Variants in CCDC102B observed in about 807,000 individuals in gnomAD.
CCDC102B encodes coiled-coil domain containing 102B.
A neutral mutation model predicts 57.4 loss-of-function variants in CCDC102B; 75 were observed. The observed-to-expected ratio is 1.31, with a 90% CI of 1.08 to 1.58. The LOEUF is 1.58. Ranked by LOEUF, CCDC102B falls within the 40% of genes most tolerant of loss-of-function variation. The pLI is 0.00. For synonymous variants in CCDC102B, 206 were observed against 201.9 expected (o/e 1.02, Z -0.17); for missense variants, 636 against 582.6 (o/e 1.09, Z -0.94).
At chr18:68,790,469 A>G (rs553234785) in intron 2 of CCDC102B, among the ~76,000 whole-genome samples, 90 of 152,014 alleles carry the variant, frequency 5.9e-4, no homozygotes, top group Middle Eastern at 3.4e-3. Flanking sequence ...CTGCTGTGCT[A>G]GCAATCAGCG....
chr18:68,883,966 A>C (rs1400940659), intron 5 of CCDC102B, among the ~76,000 whole-genome samples: 1 of 152,220 alleles, frequency 6.6e-6, no homozygotes, highest in Non-Finnish European at 1.5e-5. Flanking sequence ...AAGTTTTAAC[A>C]TCCGGTAGAA....
intron 4 of CCDC102B, among the ~76,000 whole-genome samples, chr18:68,865,700 T>G (rs2038948647): frequency 6.6e-6 from 1 of 152,108 alleles, no homozygotes; most frequent in Non-Finnish European, 1.5e-5. Context: ...CACGTGGGAG[T>G]ACTTAACAGA....
chr18:68,815,705 CACTG>C (rs749692782), intron 1 of CCDC102B, among the ~76,000 whole-genome samples: 276 of 145,222 alleles, frequency 1.9e-3, no homozygotes, highest in Non-Finnish European at 3.1e-3. Flanking sequence ...CACACACACA[CACTG>C]AACTCTGGTT....
At chr18:68,960,059 AG>A (rs2050007287) in intron 6 of CCDC102B, among the ~76,000 whole-genome samples, 1 of 152,168 alleles carries the variant, frequency 6.6e-6, no homozygotes, top group Non-Finnish European at 1.5e-5. Context: ...CTAAAGCATA[AG>A]GGGATTCTCC....
intron 5 of CCDC102B, among the ~76,000 whole-genome samples, chr18:68,892,500 G>A (rs979401188): frequency 8.5e-5 from 13 of 152,070 alleles, no homozygotes; most frequent in African/African-American, 2.7e-4. Flanking sequence ...TTACATATCC[G>A]TCAAGTTTCT....
At chr18:68,741,985 C>A (rs2033413528) in intron 2 of CCDC102B, among the ~76,000 whole-genome samples, 1 of 152,116 alleles carries the variant, frequency 6.6e-6, no homozygotes, top group Non-Finnish European at 1.5e-5. Context: ...GGGTTCAAAC[C>A]TGTGTGTGGT....
At chr18:68,918,051 A>C (rs554949773) in intron 6 of CCDC102B, among the ~76,000 whole-genome samples, 1 of 152,254 alleles carries the variant, frequency 6.6e-6, no homozygotes, top group Non-Finnish European at 1.5e-5. Context: ...CCACATATAC[A>C]TCAGGTGAGT....
intron 2 of CCDC102B, among the ~76,000 whole-genome samples, chr18:68,767,831 G>A (rs1798671176): frequency 6.6e-6 from 1 of 152,034 alleles, no homozygotes; most frequent in Admixed American, 6.6e-5. Context: ...AATCATTTAT[G>A]ACAAAATATG....
chr18:68,770,385 G>A lies in CCDC102B; in HGVS notation c.-66-52981G>A, dbSNP rs566207886. On this transcript the variant is annotated intron_variant, in intron 2 of 3. Transcript: ENST00000578970. ...TAGCATTTATTTCTTATGTATCCAT[G>A]TGTCAGTTGATCTAGACTAAATACT... 2.1e-4 allele frequency among the ~76,000 whole-genome samples: 32 copies of A among 152,324 alleles called. 1 individual carries two copies. In the East Asian group the frequency reaches 5.4e-3, roughly 26 times the overall value.
chr18:68,740,172 C>G (rs1033337318), intron 2 of CCDC102B, among the ~76,000 whole-genome samples: 33 of 152,150 alleles, frequency 2.2e-4, no homozygotes, highest in Non-Finnish European at 2.2e-4. Flanking sequence ...GCACCTGCCC[C>G]AGTTGAGACA....
intron 4 of CCDC102B, among the ~76,000 whole-genome samples, chr18:68,846,774 G>A (rs2037886135): frequency 6.6e-6 from 1 of 151,560 alleles, no homozygotes; most frequent in Non-Finnish European, 1.5e-5. Flanking sequence ...CCCATTCTAG[G>A]CACATTAGAG....
chr18:68,953,811 G>A (rs1261216622), intron 6 of CCDC102B, among the ~76,000 whole-genome samples: 4 of 152,276 alleles, frequency 2.6e-5, no homozygotes, highest in South Asian at 4.1e-4. Context: ...ACAGGTGGAT[G>A]TGGCAGTAGT....
At chr18:68,924,848 CA>C (rs2041422793) in intron 6 of CCDC102B, among the ~76,000 whole-genome samples, 1 of 152,008 alleles carries the variant, frequency 6.6e-6, no homozygotes, top group Non-Finnish European at 1.5e-5. Flanking sequence ...ACACTTATGC[CA>C]AATGCTTCTC....
chr18:68,990,912 G>A (rs569817428), intron 6 of CCDC102B, among the ~76,000 whole-genome samples: 1 of 152,224 alleles, frequency 6.6e-6, no homozygotes, highest in Admixed American at 6.5e-5. Flanking sequence ...ATGAATGTGT[G>A]AGAATATCTT....
chr18:68,775,653 A>ATTTTT lies in CCDC102B; in HGVS notation c.-66-47695_-66-47691dup, dbSNP rs369282225. The stretch of plus-strand genomic sequence containing the variant: ...GCTAGTAGGCATCGATAACTCCTGG[A>ATTTTT]TTTTTTTTTTTTTTTTTTTTTTAAG... On this transcript the variant is annotated intron_variant, in intron 2 of 3. Transcript: ENST00000578970. Among the ~76,000 whole-genome samples, 463 of 115,496 alleles carry ATTTTT rather than the reference A, an allele frequency of 4.0e-3. 6 individuals are homozygous for ATTTTT. Among genetic ancestry groups the ATTTTT allele is most frequent in the African/African-American group, 0.015 (448 of 29,402 alleles). 75.8% of individuals were successfully genotyped at this position (115,496 alleles called of 152,430 possible).
At chr18:68,852,775 T>C (rs1419327691) in intron 4 of CCDC102B, among the ~76,000 whole-genome samples, 3 of 152,338 alleles carry the variant, frequency 2.0e-5, no homozygotes, top group East Asian at 3.9e-4. Flanking sequence ...TAACAATACT[T>C]GATATTTGGT....
At chr18:68,961,290 A>C (rs1318590764) in intron 6 of CCDC102B, among the ~76,000 whole-genome samples, 1 of 152,016 alleles carries the variant, frequency 6.6e-6, no homozygotes, top group Non-Finnish European at 1.5e-5. Flanking sequence ...AAAATATGAA[A>C]AGTGATTTTT....
At chr18:68,845,131 C>T (rs2037803327) in intron 3 of CCDC102B, among the ~76,000 whole-genome samples, 1 of 151,770 alleles carries the variant, frequency 6.6e-6, no homozygotes, top group Non-Finnish European at 1.5e-5. Flanking sequence ...TTTTAATAGG[C>T]TGCTTCTCCA....
At chr18:68,944,593 C>T (rs2049479446) in intron 6 of CCDC102B, among the ~76,000 whole-genome samples, 1 of 151,868 alleles carries the variant, frequency 6.6e-6, no homozygotes, top group Non-Finnish European at 1.5e-5. Flanking sequence ...CTCTCATGAC[C>T]TCATCACCTC....
Sources: allele counts gnomAD v4.1 joint callset (sites outside exome capture counted in the v4.1 genomes callset), GRCh38; gene constraint gnomAD v4.1.1; transcripts MANE v1.5; gene names NCBI Gene and HGNC (gene_info 2026-07-23, HGNC 2026-07-21).